The following SOS1 variants were observed in gnomAD, a reference collection of about 807,000 sequenced individuals.
SOS1 encodes the protein son of sevenless homolog 1.
Under a neutral mutation model 157.6 loss-of-function variants are expected in SOS1, and 25 were observed. That is an observed-to-expected ratio of 0.16 (90% confidence interval 0.12 to 0.22). The LOEUF is 0.22. Among genes scored for constraint, SOS1 ranks in the 10% least tolerant of loss-of-function variants. The pLI is 1.00. For missense variants in SOS1, 1,237 were observed against 1,599.1 expected, an observed-to-expected ratio of 0.77 and a Z score of 3.86; for synonymous variants, 528 against 534.0, an observed-to-expected ratio of 0.99 and a Z score of 0.16.
rs988130113 is a variant in SOS1, at chr2:38,983,884, A to G, written c.*1940T>C. 6.6e-6 allele frequency: 1 copy of G among 152,182 alleles called. No individual in the cohort carries two copies. Among genetic ancestry groups the G allele is most frequent in the Non-Finnish European group, 1.5e-5 (1 of 68,020 alleles). 9.4% of individuals were successfully genotyped at this position (152,182 alleles called of 1,614,324 possible). On this transcript the variant is annotated 3_prime_UTR_variant, in exon 23 of 23. Coordinates refer to ENST00000402219, the MANE Select transcript of SOS1 (RefSeq NM_005633.4). ...AAATTAATGTTTTAGGACGCTTTTC[A>G]AAGAGGAAATATTTTATAAAGAGAA...
intron 17 of SOS1, among the ~76,000 whole-genome samples, chr2:39,006,103 G>C (rs189111999): frequency 1.3e-5 from 2 of 152,188 alleles, no homozygotes; most frequent in East Asian, 3.9e-4. Context: ...TATAAATATA[G>C]TTGAGTTTGG....
chr2:39,042,091 G>A (rs1427883918), intron 6 of SOS1, among the ~76,000 whole-genome samples: 4 of 152,010 alleles, frequency 2.6e-5, no homozygotes, highest in Admixed American at 6.6e-5. Context: ...ACCTGCACCA[G>A]TACTACACTC....
intron 1 of SOS1, among the ~76,000 whole-genome samples, chr2:39,110,089 T>C (rs1015528895): frequency 6.6e-5 from 10 of 151,446 alleles, no homozygotes; most frequent in African/African-American, 2.2e-4. Flanking sequence ...TATGTGCATG[T>C]ATGTATATAG....
rs56248239 is a variant in SOS1, at chr2:38,987,571, T to C, written c.3412A>G (p.Ile1138Val). The C allele has an allele frequency of 3.0e-5, 47 of 1,573,382 alleles. No individual in the cohort carries two copies. The East Asian group carries it at 5.4e-4, about 18-fold the overall frequency. The change falls in exon 22 of 23, where the codon ATA becomes GTA. Residue 1138 changes from isoleucine to valine, a missense_variant. Around this residue, in one of 15 missense-constraint regions of SOS1, gnomAD observed 306 missense variants for 322.6 expected, o/e 0.95. Transcript: ENST00000402219. ...TCATCAGTGCCTTTGGTTAAACTTATAGATGATACAGAAGCAGATCCTGTG... is the reference window on the plus strand; with the variant it reads ...TCATCAGTGCCTTTGGTTAAACTTACAGATGATACAGAAGCAGATCCTGTG... ...HGPRSASVSS[I>V]SLTKGTDEVP...
intron 1 of SOS1, 96 bp downstream of exon 1, chr2:39,120,240 A>G: frequency 8.9e-7 from 1 of 1,118,032 alleles, no homozygotes; most frequent in Non-Finnish European, 1.2e-6. Context: ...GACCGGGAAG[A>G]AAGACGGCCC....
At position 38,984,647 on chromosome 2, in the gene SOS1, T is replaced by G. The variant is rs751763649; in HGVS notation, c.*1177A>C. On this transcript the variant is annotated 3_prime_UTR_variant, in exon 23 of 23. Coordinates refer to ENST00000402219, the MANE Select transcript of SOS1 (RefSeq NM_005633.4). ...CGTACCACAAAACGTGCTTTTATGT[T>G]TAGTGTTTTTGTGTGTTTTTCAACT... 3.3e-5 allele frequency: 5 copies of G among 152,178 alleles called. No individual in the cohort carries two copies. Among genetic ancestry groups the G allele is most frequent in the Admixed American group, 3.3e-4 (5 of 15,264 alleles). The allele number at this position is 152,178 out of a possible 1,614,324, so 9.4% of individuals were successfully genotyped here.
At chr2:39,043,425 G>C (rs1400943263) in intron 6 of SOS1, among the ~76,000 whole-genome samples, 3 of 152,092 alleles carry the variant, frequency 2.0e-5, no homozygotes, top group Non-Finnish European at 2.9e-5. Flanking sequence ...TTTTGATAAT[G>C]TATTCATACA....
intron 1 of SOS1, among the ~76,000 whole-genome samples, chr2:39,114,159 G>A (rs1309295953): frequency 2.6e-5 from 4 of 151,970 alleles, no homozygotes; most frequent in African/African-American, 7.2e-5. Flanking sequence ...GCAATGGCAC[G>A]ATCATGGCTC....
chr2:38,998,499 C>A (rs1040667578), intron 17 of SOS1, among the ~76,000 whole-genome samples: 4 of 152,164 alleles, frequency 2.6e-5, no homozygotes, highest in African/African-American at 7.2e-5. Flanking sequence ...GATCCACCCA[C>A]CTTGGCCTCC....
In SOS1 at chr2:39,022,643, C is replaced by G. The variant is rs543119480; in HGVS notation, c.1785G>C (p.Lys595Asn). Residue 595 changes from lysine (K) to asparagine (N), a missense_variant, in exon 10 of 23, where the codon AAG becomes AAC. By Grantham distance (94) the Lys-to-Asn change is moderately conservative. Transcript: ENST00000402219. The part of the protein sequence containing the change: ...NIIFEENMQP[K>N]AGIPIIKAGT... ...CTGCTTTGATAATTGGAATTCCAGC[C>G]TTGGGCTGCATGTTCTCTTCAAATA... 5.0e-6 allele frequency: 8 copies of G among 1,613,404 alleles called. No individual in the cohort carries two copies. Among genetic ancestry groups the G allele is most frequent in the Admixed American group, 1.7e-5 (1 of 59,996 alleles).
chr2:39,030,592 AG>A (rs1447600694), intron 8 of SOS1, among the ~76,000 whole-genome samples: 1 of 152,150 alleles, frequency 6.6e-6, no homozygotes, highest in Non-Finnish European at 1.5e-5. Flanking sequence ...TGGGGGTGTT[AG>A]GGGGAAGCCA....
At chr2:39,113,075 A>C (rs1673500611) in intron 1 of SOS1, among the ~76,000 whole-genome samples, 1 of 151,986 alleles carries the variant, frequency 6.6e-6, no homozygotes, top group African/African-American at 2.4e-5. Context: ...AGAAGTGATT[A>C]TTTAGCATGA....
At chr2:39,043,174 T>C (rs1194705220) in intron 6 of SOS1, among the ~76,000 whole-genome samples, 1 of 152,198 alleles carries the variant, frequency 6.6e-6, no homozygotes, top group Non-Finnish European at 1.5e-5. Flanking sequence ...TATTGCTTGT[T>C]TGCCCAACAT....
intron 1 of SOS1, among the ~76,000 whole-genome samples, chr2:39,107,573 T>G (rs889979234): frequency 6.6e-6 from 1 of 151,530 alleles, no homozygotes; most frequent in African/African-American, 2.4e-5. Flanking sequence ...ACAAATTTCT[T>G]ATGTGCTTAA....
intron 9 of SOS1, 66 bp from the exon 10 acceptor site, chr2:39,023,291 G>A: frequency 8.2e-7 from 1 of 1,216,940 alleles, no homozygotes. Context: ...ATGTAAGTAA[G>A]GGAAAGTGTA....
chr2:39,106,373 G>A (rs1263082740), intron 1 of SOS1, among the ~76,000 whole-genome samples: 2 of 151,790 alleles, frequency 1.3e-5, no homozygotes, highest in Non-Finnish European at 2.9e-5. Context: ...GGCGGATCAC[G>A]AGGTCAGGAG....
Position 39,120,284 on chromosome 2 carries a change from C to A in SOS1, c.87+52G>T, listed in dbSNP as rs1387073436. 5 of 1,497,626 alleles carry A rather than the reference C, an allele frequency of 3.3e-6. No individual in the cohort carries two copies. In the East Asian group the frequency reaches 1.0e-4, roughly 31 times the overall value. 92.8% of individuals were successfully genotyped at this position (1,497,626 alleles called of 1,614,324 possible). The stretch of plus-strand genomic sequence containing the variant: ...CCCCGCCTCCCCAGCCCTTCCCCAG[C>A]GCCCGCGCTGGGGGGCTGCGGCCGG... On this transcript the variant is annotated intron_variant, in intron 1 of 22. Transcript: ENST00000402219.
rs397517166 is a variant in SOS1 at position 39,058,683 on chromosome 2, G to C, written c.335C>G (p.Pro112Arg). 1.2e-6 allele frequency: 2 copies of C among 1,612,632 alleles called. No individual in the cohort carries two copies. Among genetic ancestry groups the C allele is most frequent in the Non-Finnish European group, 1.7e-6 (2 of 1,179,088 alleles). The change falls in exon 3 of 23, where the codon CCT (proline) becomes CGT (arginine). Residue 112 changes from proline to arginine, a missense_variant. Transcript: ENST00000402219. ...PLSLPVEKIH[P>R]LLKEVLGYKI... Reference sequence around the variant, plus strand: ...GTAGTTCAGCATTACCTTTAATAAAGGATGAATTTTTTCTACTGGGAGAGA... The same window carrying C: ...GTAGTTCAGCATTACCTTTAATAAACGATGAATTTTTTCTACTGGGAGAGA...
At chr2:39,021,183 C>A (rs1182437212) in intron 10 of SOS1, among the ~76,000 whole-genome samples, 1 of 151,482 alleles carries the variant, frequency 6.6e-6, no homozygotes, top group Non-Finnish European at 1.5e-5. Flanking sequence ...ACCATGTCCA[C>A]GGACTTTACC....
Sources: allele counts gnomAD v4.1 joint callset (sites outside exome capture counted in the v4.1 genomes callset), GRCh38; gene constraint gnomAD v4.1.1; regional missense constraint gnomAD v4.1.1; transcripts MANE v1.5; gene names NCBI Gene and HGNC (gene_info 2026-07-23, HGNC 2026-07-21).